DCX: variants seen among roughly 807,000 people sequenced by gnomAD.
The protein encoded by DCX is doublecortin.
DCX carries 4 observed loss-of-function variants against 20.9 expected under a neutral mutation model. The ratio of observed to expected loss-of-function variants is 0.19; its 90% CI spans 0.09 to 0.44. DCX has a LOEUF of 0.44. Ranked by LOEUF, DCX falls within the 20% of genes least tolerant of loss-of-function variation. DCX has a pLI of 0.99. For missense variants in DCX, 133 were observed against 296.9 expected (o/e 0.45, Z 4.06); for synonymous variants, 103 against 111.4 (o/e 0.92, Z 0.47).
At chrX:111,332,147 G>A (rs1271346637) in intron 4 of DCX, among the ~76,000 whole-genome samples, 1 of 112,444 alleles carries the variant, frequency 8.9e-6, no homozygotes, top group Non-Finnish European at 1.9e-5. Flanking sequence ...TAAGCAGAAA[G>A]CCCCCTTTTG....
At position 111,410,416 on chromosome X, in the gene DCX, G is replaced by A. The variant is rs756892055; in HGVS notation, c.-18C>T. The A allele has an allele frequency of 1.7e-6, 2 of 1,207,580 alleles. No individual in the cohort carries two copies. The highest frequency in any genetic ancestry group is 2.2e-6 in the Non-Finnish European group (2 of 895,051). ...AGTTCCATATTTTGGTGGAACCTCA[G>A]AGACCTGAGCGTGGGAGAAAGGGAT... On this transcript the variant is annotated 5_prime_UTR_variant, in exon 2 of 7. Coordinates refer to ENST00000636035, the MANE Select transcript of DCX (RefSeq NM_001195553.2).
chrX:111,404,048 T>TTAAAA (rs10688083), intron 2 of DCX, among the ~76,000 whole-genome samples: 15,639 of 73,389 alleles, frequency 0.21, 2,361 homozygotes, highest in African/African-American at 0.46. Context: ...AGATTCCGTC[T>TTAAAA]TAAAATAAAA....
chrX:111,408,642 GA>G (rs1928420086), intron 2 of DCX, among the ~76,000 whole-genome samples: 1 of 89,302 alleles, frequency 1.1e-5, no homozygotes, highest in Non-Finnish European at 2.2e-5. Flanking sequence ...GAGAAAGAAA[GA>G]AAGAAAGAAA....
At chrX:111,346,604 A>C (rs1233939743) in intron 3 of DCX, among the ~76,000 whole-genome samples, 1 of 112,004 alleles carries the variant, frequency 8.9e-6, no homozygotes, top group Non-Finnish European at 1.9e-5. Context: ...GTCATGTTAA[A>C]AGTTTAAAAA....
chrX:111,404,466 G>T (rs1928058581), intron 2 of DCX, among the ~76,000 whole-genome samples: 1 of 112,263 alleles, frequency 8.9e-6, no homozygotes, highest in African/African-American at 3.2e-5. Flanking sequence ...GGCCCGCTGA[G>T]AGCAGGATAT....
chrX:111,376,046 A>G (rs1478568009), intron 3 of DCX, among the ~76,000 whole-genome samples: 1 of 112,132 alleles, frequency 8.9e-6, no homozygotes, highest in Non-Finnish European at 1.9e-5. Flanking sequence ...CCTTTAGTAA[A>G]CTGATATTTA....
At chrX:111,399,894 C>T (rs1441352909) in intron 3 of DCX, among the ~76,000 whole-genome samples, 1 of 111,518 alleles carries the variant, frequency 9.0e-6, no homozygotes, top group East Asian at 2.8e-4. Context: ...AAATATTTCT[C>T]AAAATTGCAA....
At chrX:111,319,914 A>T (rs2095082521) in intron 5 of DCX, among the ~76,000 whole-genome samples, 1 of 112,178 alleles carries the variant, frequency 8.9e-6, no homozygotes, top group Non-Finnish European at 1.9e-5. Context: ...GCATATGTGT[A>T]CGTTTATATA....
At chrX:111,404,461 G>A (rs1244674252) in intron 2 of DCX, among the ~76,000 whole-genome samples, 2 of 112,067 alleles carry the variant, frequency 1.8e-5, no homozygotes, top group South Asian at 3.7e-4. Flanking sequence ...GCAGAGGCCC[G>A]CTGAGAGCAG....
chrX:111,387,300 T>C (rs1219930724), intron 3 of DCX, among the ~76,000 whole-genome samples: 1 of 111,803 alleles, frequency 8.9e-6, no homozygotes, highest in Non-Finnish European at 1.9e-5. Context: ...AATATTAATA[T>C]ATACATCTTT....
At chrX:111,368,897 T>TACACACACAC (rs1206548668) in intron 3 of DCX, among the ~76,000 whole-genome samples, 1 of 84,893 alleles carries the variant, frequency 1.2e-5, no homozygotes, top group African/African-American at 9.7e-5. Flanking sequence ...TATATATATA[T>TACACACACAC]ACATACACAC....
chrX:111,389,769 G>A (rs1476065319), intron 3 of DCX, among the ~76,000 whole-genome samples: 1 of 111,358 alleles, frequency 9.0e-6, no homozygotes, highest in African/African-American at 3.3e-5. Flanking sequence ...GCCTCAGTGA[G>A]TGGCCCCACC....
chrX:111,401,372 A>G (rs1339779831), intron 2 of DCX, 42 bp from the exon 3 acceptor site: 1 of 1,081,020 alleles, frequency 9.3e-7, no homozygotes, highest in Non-Finnish European at 1.3e-6. Context: ...GTTTAATAGC[A>G]GATATATGGA....
At chrX:111,397,819 A>G (rs1021568807) in intron 3 of DCX, among the ~76,000 whole-genome samples, 2 of 109,764 alleles carry the variant, frequency 1.8e-5, no homozygotes, top group African/African-American at 6.6e-5. Flanking sequence ...GTGTGTGTGT[A>G]TATATACATA....
At chrX:111,381,200 T>A (rs1925942863) in intron 3 of DCX, among the ~76,000 whole-genome samples, 1 of 110,633 alleles carries the variant, frequency 9.0e-6, no homozygotes, top group African/African-American at 3.3e-5. Flanking sequence ...ACTCTGCCAA[T>A]ATGATGTCCT....
intron 5 of DCX, among the ~76,000 whole-genome samples, chrX:111,319,561 A>T (rs1215477424): frequency 8.9e-6 from 1 of 112,302 alleles, no homozygotes; most frequent in East Asian, 2.8e-4. Flanking sequence ...AAAAGGCAAG[A>T]GTCTGTGGAG....
chrX:111,342,735 T>C (rs1382809083), intron 3 of DCX, among the ~76,000 whole-genome samples: 1 of 110,003 alleles, frequency 9.1e-6, no homozygotes, highest in African/African-American at 3.3e-5. Flanking sequence ...CACAGTGCAA[T>C]CAAATTAGAA....
chrX:111,393,187 A>G (rs989053204), intron 3 of DCX, among the ~76,000 whole-genome samples: 5 of 111,399 alleles, frequency 4.5e-5, no homozygotes, highest in Non-Finnish European at 9.4e-5. Context: ...ACTCGGCTAT[A>G]TGAACCACTG....
In DCX at chrX:111,318,674, C is replaced by T. The variant is rs1051312702; in HGVS notation, c.947-5938G>A. Among the ~76,000 whole-genome samples, 13 of 111,024 alleles carry T rather than the reference C, an allele frequency of 1.2e-4. No homozygotes were observed. In the East Asian group the frequency reaches 3.7e-3, roughly 32 times the overall value. On this transcript the variant is annotated intron_variant, in intron 5 of 6. Transcript: ENST00000636035. ...CATGGATGAAGCTGGAGGCCATTAT[C>T]CTTAGCAAACTAACACAGGAACAGA... is the stretch of plus-strand genomic sequence containing the variant.
Sources: allele counts gnomAD v4.1 joint callset (sites outside exome capture counted in the v4.1 genomes callset), GRCh38; gene constraint gnomAD v4.1.1; transcripts MANE v1.5; gene names NCBI Gene and HGNC (gene_info 2026-07-23, HGNC 2026-07-21).